Variants in LAS1L observed in about 807,000 individuals in gnomAD.
The protein encoded by LAS1L is LAS1 like ribosome biogenesis factor.
LAS1L carries 5 observed loss-of-function variants against 57.3 expected under a neutral mutation model. The observed-to-expected ratio is 0.09, with a 90% CI of 0.05 to 0.18. The LOEUF is 0.18. Ranked by LOEUF, LAS1L falls within the 10% of genes least tolerant of loss-of-function variation. The probability of loss-of-function intolerance (pLI) is 1.00; values close to 1 mark genes in which losing one functional copy is unlikely to be tolerated. For synonymous variants in LAS1L, 245 were observed against 231.7 expected, an observed-to-expected ratio of 1.06 and a Z score of -0.52; for missense variants, 360 against 568.3, an observed-to-expected ratio of 0.63 and a Z score of 3.73.
chrX:65,524,731 C>T (rs1307769656), intron 8 of LAS1L, 117 bp from the exon 9 acceptor site: 2 of 474,823 alleles, frequency 4.2e-6, no homozygotes, highest in East Asian at 7.4e-5. Flanking sequence ...GTCATTAAGA[C>T]TCCCCGACCC....
intron 7 of LAS1L, among the ~76,000 whole-genome samples, chrX:65,527,476 G>A (rs2069223498): frequency 9.0e-6 from 1 of 110,974 alleles, no homozygotes; most frequent in Admixed American, 9.7e-5. Flanking sequence ...GGTTGAGGCT[G>A]TAGTTAACTA....
rs1265847250 is a variant in LAS1L, at chrX:65,534,731, A to G, written c.-16T>C. ...CCCACGACATACTGAGCTCAACAAC[A>G]GGCTCTGTGCCGCGCCGCTCCGCAC... On this transcript the variant is annotated 5_prime_UTR_variant, in exon 1 of 14. Transcript: ENST00000374811. 8.9e-7 allele frequency: 1 copy of G among 1,125,986 alleles called. No individual in the cohort carries two copies. The highest frequency in any genetic ancestry group is 1.2e-6 in the Non-Finnish European group (1 of 836,869). 92.8% of individuals were successfully genotyped at this position (1,125,986 alleles called of 1,213,427 possible). A position where few individuals can be genotyped will look rare whatever the true frequency, so the allele number is the denominator to read the frequency against.
chrX:65,520,591 G>A, intron 11 of LAS1L: 7 of 753,722 alleles, frequency 9.3e-6, no homozygotes, highest in Non-Finnish European at 1.1e-5. Flanking sequence ...CTGACTTGCA[G>A]CATAATACCT....
chrX:65,532,594 A>G lies in LAS1L; in HGVS notation c.399T>C (p.Phe133=). The G allele has an allele frequency of 1.7e-6, 2 of 1,209,428 alleles. No homozygotes were observed. The highest frequency in any genetic ancestry group is 1.7e-5 in the African/African-American group (1 of 57,918). The change falls in exon 3 of 14, where the codon TTT becomes TTC. Residue 133 remains phenylalanine (F), a synonymous_variant. Transcript: ENST00000374811. ...CCAGACACTTGAGGGGGACCTTGGC[A>G]AACTTTGTCTTCCTCTCTGAGATAA... The part of the protein sequence containing the change: ...VNLISERKTK[F]AKVPLKCLAQ...
At chrX:65,522,187 A>G (rs2068879905) in intron 11 of LAS1L, 1 of 110,088 alleles carries the variant, frequency 9.1e-6, no homozygotes, top group Non-Finnish European at 1.9e-5. Flanking sequence ...CCTCATCCTG[A>G]GACTGGCGAG....
chrX:65,533,884 C>A (rs112747206), intron 1 of LAS1L, 149 bp from the exon 2 acceptor site: 4 of 593,478 alleles, frequency 6.7e-6, no homozygotes, highest in African/African-American at 4.5e-5. Context: ...GGAGGAGACA[C>A]GGTAATGTCT....
Position 65,533,651 on chromosome X carries a change from G to A in LAS1L, c.321C>T (p.Gly107=), listed in dbSNP as rs2069619846. The A allele has an allele frequency of 8.3e-7, 1 of 1,210,517 alleles. No individual in the cohort carries two copies. The highest frequency in any genetic ancestry group is 1.1e-6 in the Non-Finnish European group (1 of 894,690). The change falls in exon 2 of 14, where the codon GGC becomes GGT. Residue 107 remains glycine (G), a synonymous_variant. Coordinates refer to ENST00000374811, the MANE Select transcript of LAS1L (RefSeq NM_031206.7). ...CKLLDVTGGL[G]TDELRLLYGM... Reference sequence around the variant, plus strand: ...CATAGAGCAGTCTAAGTTCATCAGTGCCCAAGCCACCAGTTACATCCAAGA... The same window carrying A: ...CATAGAGCAGTCTAAGTTCATCAGTACCCAAGCCACCAGTTACATCCAAGA...
chrX:65,518,328 G>A lies in LAS1L; in HGVS notation c.1586C>T (p.Pro529Leu), dbSNP rs759374312. Residue 529 changes from proline to leucine, a missense_variant, in exon 12 of 14, where the codon CCA becomes CTA. Transcript: ENST00000374811. ...GSEASPIGKS[P>L]YTLDSLYWSV... ...CCAATACAGGCTGTCTAGTGTATATGGAGACTTCCCAATGGGGGAGGCCTC... is the reference window on the plus strand; with the variant it reads ...CCAATACAGGCTGTCTAGTGTATATAGAGACTTCCCAATGGGGGAGGCCTC... 1 of 1,211,895 alleles carries A rather than the reference G, an allele frequency of 8.3e-7. No homozygotes were observed. The highest frequency in any genetic ancestry group is 3.0e-5 in the East Asian group (1 of 33,839).
At chrX:65,526,996 G>A (rs1443647934) in intron 7 of LAS1L, among the ~76,000 whole-genome samples, 3 of 108,631 alleles carry the variant, frequency 2.8e-5, no homozygotes, top group African/African-American at 1.0e-4. Flanking sequence ...TGGATCACCT[G>A]AGGTCAAGAG....
intron 7 of LAS1L, among the ~76,000 whole-genome samples, 178 bp from the exon 8 acceptor site, chrX:65,525,228 C>T (rs766225468): frequency 8.9e-6 from 1 of 111,907 alleles, no homozygotes; most frequent in African/African-American, 3.3e-5. Flanking sequence ...GGATCTTAGG[C>T]TTCAGCCTCC....
intron 12 of LAS1L, among the ~76,000 whole-genome samples, chrX:65,516,224 C>G (rs1229187575): frequency 1.9e-4 from 21 of 111,382 alleles, no homozygotes; most frequent in Non-Finnish European, 1.9e-5. Context: ...TCCCCTGGCT[C>G]TCTTACTGGA....
intron 8 of LAS1L, 54 bp downstream of exon 8, chrX:65,524,911 G>A (rs1297276859): frequency 5.6e-6 from 6 of 1,068,113 alleles, no homozygotes; most frequent in Non-Finnish European, 7.8e-6. Flanking sequence ...CACCCCAGCT[G>A]TTTCCACCCA....
At position 65,525,061 on chromosome X, in the gene LAS1L, A is replaced by G; in HGVS notation, c.957-11T>C. The G allele has an allele frequency of 8.4e-7, 1 of 1,189,700 alleles. No homozygotes were observed. Among genetic ancestry groups the G allele is most frequent in the Non-Finnish European group, 1.1e-6 (1 of 877,407 alleles). ...TCCAGCACAGCCTCCCTGGAACAAG[A>G]GGACACTAGTTTAGCAAAGTGATGC... On this transcript the variant is annotated splice_polypyrimidine_tract_variant and intron_variant, in intron 7 of 13. Coordinates refer to ENST00000374811, the MANE Select transcript of LAS1L (RefSeq NM_031206.7).
intron 11 of LAS1L, chrX:65,519,038 A>C: frequency 3.0e-6 from 2 of 666,666 alleles, no homozygotes; most frequent in African/African-American, 4.7e-5. Context: ...TGACAAGACA[A>C]AGCAGGATGT....
chrX:65,519,963 A>G (rs963196318), intron 11 of LAS1L, among the ~76,000 whole-genome samples: 12 of 111,791 alleles, frequency 1.1e-4, no homozygotes, highest in African/African-American at 3.3e-5. Flanking sequence ...CTCTAATCAG[A>G]TGAAAAGCCA....
In LAS1L at chrX:65,529,847, C is replaced by A. The variant is rs2069376935; in HGVS notation, c.546G>T (p.Lys182Asn). 3.3e-6 allele frequency: 4 copies of A among 1,210,001 alleles called. No individual in the cohort carries two copies. Among genetic ancestry groups the A allele is most frequent in the Non-Finnish European group, 4.5e-6 (4 of 895,232 alleles). The change falls in exon 5 of 14, where the codon AAG (lysine) becomes AAT (asparagine). Residue 182 changes from lysine (K) to asparagine (N), a missense_variant. By Grantham distance (94) the Lys-to-Asn change is moderately conservative. Coordinates refer to ENST00000374811, the MANE Select transcript of LAS1L (RefSeq NM_031206.7). ...TCTCCAGTTGGCGGCACCAATAGGTCTTCTGGAGCCAATCCAGGACAAAGT... is the reference window on the plus strand; with the variant it reads ...TCTCCAGTTGGCGGCACCAATAGGTATTCTGGAGCCAATCCAGGACAAAGT... ...GCYFVLDWLQ[K>N]TYWCRQLENS...
intron 12 of LAS1L, among the ~76,000 whole-genome samples, chrX:65,515,465 A>G (rs752430535): frequency 9.2e-6 from 1 of 109,189 alleles, no homozygotes; most frequent in Admixed American, 9.7e-5. Flanking sequence ...TAGATTTCCT[A>G]CAAATCTACA....
At chrX:65,533,812 G>GCA in intron 1 of LAS1L, 77 bp from the exon 2 acceptor site, 1 of 1,065,553 alleles carries the variant, frequency 9.4e-7, no homozygotes, top group Non-Finnish European at 1.3e-6. Context: ...CTAGGTTGTT[G>GCA]CAGGCTACAC....
rs1177956110 is a variant in LAS1L, at chrX:65,531,338, A to G, written c.514+19T>C. The G allele has an allele frequency of 4.3e-6, 5 of 1,162,030 alleles. No individual in the cohort carries two copies. In the Admixed American group the frequency reaches 8.7e-5, roughly 20 times the overall value. ...GCCCCTGGGCTTAACTGTGATAGGT[A>G]TAACCTCTGAGGACTCACCTCTGCG... On this transcript the variant is annotated intron_variant, in intron 4 of 13. Transcript: ENST00000374811.
Sources: allele counts gnomAD v4.1 joint callset (sites outside exome capture counted in the v4.1 genomes callset), GRCh38; gene constraint gnomAD v4.1.1; transcripts MANE v1.5; gene names NCBI Gene and HGNC (gene_info 2026-07-23, HGNC 2026-07-21).